The following NOL4 variants were observed in gnomAD, a reference collection of about 807,000 sequenced individuals.
The protein encoded by NOL4 is nucleolar protein 4, also known as cancer/testis antigen 125.
NOL4 carries 17 observed loss-of-function variants against 75.9 expected under a neutral mutation model. That is an observed-to-expected ratio of 0.22 (90% CI 0.15 to 0.34). The LOEUF (loss-of-function observed/expected upper bound fraction) is 0.34, where lower values mean the gene tolerates loss of function less well. Ranked by LOEUF, NOL4 falls within the 10% of genes least tolerant of loss-of-function variation. The pLI is 1.00. For synonymous variants in NOL4, 292 were observed against 289.9 expected (o/e 1.01, Z -0.07); for missense variants, 614 against 793.5 (o/e 0.77, Z 2.72).
At chr18:33,900,762 A>G (rs2065700325) in intron 9 of NOL4, among the ~76,000 whole-genome samples, 1 of 152,184 alleles carries the variant, frequency 6.6e-6, no homozygotes, top group African/African-American at 2.4e-5. Flanking sequence ...GGATCCAGCT[A>G]TCTTTTAGAG....
chr18:33,912,263 A>G (rs2066454502), intron 9 of NOL4, among the ~76,000 whole-genome samples: 1 of 151,990 alleles, frequency 6.6e-6, no homozygotes, highest in African/African-American at 2.4e-5. Context: ...AACTTTATAT[A>G]TTCACTTATA....
intron 10 of NOL4, among the ~76,000 whole-genome samples, chr18:33,865,133 T>A (rs559851070): frequency 6.6e-6 from 1 of 152,232 alleles, no homozygotes; most frequent in Non-Finnish European, 1.5e-5. Context: ...TCATTATTAG[T>A]TAATAAATAT....
chr18:34,125,698 A>T (rs1186691213), intron 2 of NOL4, among the ~76,000 whole-genome samples: 2 of 152,186 alleles, frequency 1.3e-5, no homozygotes, highest in Non-Finnish European at 2.9e-5. Flanking sequence ...ATATGTTACT[A>T]TTCTACAGCA....
intron 8 of NOL4, among the ~76,000 whole-genome samples, chr18:33,949,620 T>C (rs938784098): frequency 3.3e-5 from 5 of 152,122 alleles, no homozygotes; most frequent in Non-Finnish European, 7.4e-5. Context: ...ATCTACTATG[T>C]GTGAATTCTT....
At chr18:34,126,938 A>G (rs1216389908) in intron 2 of NOL4, among the ~76,000 whole-genome samples, 3 of 151,984 alleles carry the variant, frequency 2.0e-5, no homozygotes, top group Non-Finnish European at 4.4e-5. Flanking sequence ...AGACAAATAT[A>G]CTGAAACACA....
At chr18:33,932,001 T>C (rs991541482) in intron 9 of NOL4, among the ~76,000 whole-genome samples, 3 of 152,124 alleles carry the variant, frequency 2.0e-5, no homozygotes, top group Non-Finnish European at 4.4e-5. Flanking sequence ...AAAGTTCATG[T>C]CACTGATCAC....
intron 9 of NOL4, among the ~76,000 whole-genome samples, chr18:33,892,182 A>G (rs746195178): frequency 7.9e-5 from 12 of 152,068 alleles, no homozygotes; most frequent in Admixed American, 2.6e-4. Flanking sequence ...TGTAATCCCA[A>G]TGCTTGGGAG....
At chr18:34,111,132 C>T (rs1298108364) in intron 2 of NOL4, among the ~76,000 whole-genome samples, 1 of 152,018 alleles carries the variant, frequency 6.6e-6, no homozygotes, top group South Asian at 2.1e-4. Context: ...TTGTATCACA[C>T]CTTATACAAA....
chr18:34,105,185 T>C, intron 2 of NOL4, 25 bp from the exon 3 acceptor site: 1 of 1,392,462 alleles, frequency 7.2e-7, no homozygotes, highest in Admixed American at 1.7e-5. Context: ...AAAATACAGG[T>C]GTTATTATAT....
At chr18:33,880,562 C>T (rs933181401) in intron 10 of NOL4, among the ~76,000 whole-genome samples, 6 of 152,036 alleles carry the variant, frequency 3.9e-5, no homozygotes, top group East Asian at 1.9e-4. Context: ...TGATCCAGTA[C>T]AACACTGCTG....
At chr18:33,991,079 G>C (rs2072880068) in intron 6 of NOL4, among the ~76,000 whole-genome samples, 1 of 151,882 alleles carries the variant, frequency 6.6e-6, no homozygotes, top group Non-Finnish European at 1.5e-5. Flanking sequence ...ACCAGTCTCT[G>C]CTCACTTTCA....
chr18:34,181,408 C>T (rs1156378990), intron 1 of NOL4, among the ~76,000 whole-genome samples: 1 of 151,150 alleles, frequency 6.6e-6, no homozygotes, highest in Non-Finnish European at 1.5e-5. Flanking sequence ...ATATCATATC[C>T]AAAAATCAAC....
At chr18:34,025,989 T>C (rs1457748181) in intron 5 of NOL4, among the ~76,000 whole-genome samples, 2 of 152,198 alleles carry the variant, frequency 1.3e-5, no homozygotes, top group Non-Finnish European at 2.9e-5. Context: ...CTGAATTTCT[T>C]ATTGCCAATA....
chr18:33,898,790 T>C (rs2065575356), intron 9 of NOL4, among the ~76,000 whole-genome samples: 1 of 152,186 alleles, frequency 6.6e-6, no homozygotes, highest in Non-Finnish European at 1.5e-5. Flanking sequence ...TGAGACTTCT[T>C]TTTTTCCTGG....
At chr18:34,079,745 T>A (rs1402219618) in intron 5 of NOL4, among the ~76,000 whole-genome samples, 3 of 152,310 alleles carry the variant, frequency 2.0e-5, no homozygotes, top group Admixed American at 2.0e-4. Context: ...TGCATTCTTG[T>A]CTCTTCTATA....
At chr18:33,880,183 T>C (rs941864103) in intron 10 of NOL4, among the ~76,000 whole-genome samples, 7 of 152,084 alleles carry the variant, frequency 4.6e-5, no homozygotes, top group African/African-American at 1.2e-4. Flanking sequence ...ATTTTGGGTA[T>C]AGTTTTTCTT....
At chr18:33,884,383 AC>A (rs2064505987) in intron 9 of NOL4, among the ~76,000 whole-genome samples, 1 of 152,058 alleles carries the variant, frequency 6.6e-6, no homozygotes, top group South Asian at 2.1e-4. Context: ...ATACATCCAA[AC>A]CTTTCAGTTT....
chr18:33,876,090 C>G (rs1206347147), intron 10 of NOL4, among the ~76,000 whole-genome samples: 1 of 151,984 alleles, frequency 6.6e-6, no homozygotes, highest in African/African-American at 2.4e-5. Flanking sequence ...TATCCAACTT[C>G]GCTTCTCTTA....
At chr18:34,139,014 C>T (rs931011547) in intron 1 of NOL4, among the ~76,000 whole-genome samples, 12 of 152,086 alleles carry the variant, frequency 7.9e-5, no homozygotes, top group African/African-American at 2.9e-4. Context: ...GCCTTGCATC[C>T]CAGGGATGAA....
Sources: gnomAD v4.1 joint callset for allele counts (sites outside exome capture counted in the v4.1 genomes callset) on GRCh38, gnomAD v4.1.1 for gene constraint, MANE v1.5 for transcripts, NCBI Gene and HGNC (gene_info 2026-07-23, HGNC 2026-07-21) for gene names.